DGKI: variants seen among roughly 807,000 people sequenced by gnomAD.
The protein encoded by DGKI is diacylglycerol kinase iota.
In DGKI, 55 loss-of-function variants were observed where a neutral mutation model predicts 147.5. That is an observed-to-expected ratio of 0.37 (90% CI 0.30 to 0.47). DGKI has a LOEUF of 0.47. Among genes scored for constraint, DGKI ranks in the 20% least tolerant of loss-of-function variants. DGKI has a pLI of 1.00. For synonymous variants in DGKI, 469 were observed against 477.1 expected (o/e 0.98, Z 0.22); for missense variants, 1,007 against 1,323.8 (o/e 0.76, Z 3.71).
At chr7:137,638,739 A>G (rs1422694502) in intron 6 of DGKI, among the ~76,000 whole-genome samples, 2 of 149,510 alleles carry the variant, frequency 1.3e-5, no homozygotes, top group Admixed American at 1.3e-4. Context: ...TTACATATGT[A>G]AATAACTATA....
At chr7:137,801,353 A>T (rs1193762378) in intron 1 of DGKI, among the ~76,000 whole-genome samples, 2 of 152,214 alleles carry the variant, frequency 1.3e-5, no homozygotes, top group Non-Finnish European at 2.9e-5. Flanking sequence ...TCAAGGTTTC[A>T]AAAGGAAGGA....
In DGKI at chr7:137,389,226, T is replaced by A. The variant is rs915372733; in HGVS notation, c.*1994A>T. 1.1e-4 allele frequency: 16 copies of A among 152,196 alleles called. No homozygotes were observed. The highest frequency in any genetic ancestry group is 3.9e-4 in the African/African-American group (16 of 41,458). The allele number at this position is 152,196 out of a possible 1,614,324, so 9.4% of individuals were successfully genotyped here. A position where few individuals can be genotyped will look rare whatever the true frequency, so the allele number is the denominator to read the frequency against. ...ATATTTTTCCAGCTTCTGGAAACAA[T>A]CTGCTGCAGTGTCTCCTGTAATATC... On this transcript the variant is annotated 3_prime_UTR_variant, in exon 33 of 33. Coordinates refer to ENST00000614521, the MANE Select transcript of DGKI (RefSeq NM_001321708.2).
chr7:137,394,605 C>G (rs892823786), intron 32 of DGKI, among the ~76,000 whole-genome samples: 1 of 152,178 alleles, frequency 6.6e-6, no homozygotes, highest in African/African-American at 2.4e-5. Context: ...CAGAGTTTCC[C>G]CTAAGGCCTC....
At chr7:137,752,741 C>G (rs2116764675) in intron 1 of DGKI, among the ~76,000 whole-genome samples, 1 of 152,194 alleles carries the variant, frequency 6.6e-6, no homozygotes, top group African/African-American at 2.4e-5. Flanking sequence ...AGTTGTAAGC[C>G]CTTAAAAGGA....
rs376966956 is a variant in DGKI, at chr7:137,652,345, GTCTC to G, written c.738+2383_738+2386del. Among the ~76,000 whole-genome samples, 7 of 152,248 alleles carry G rather than the reference GTCTC, an allele frequency of 4.6e-5. No individual in the cohort carries two copies. In the South Asian group the frequency reaches 1.5e-3, roughly 32 times the overall value. On this transcript the variant is annotated intron_variant, in intron 5 of 32. Transcript: ENST00000614521. Reference sequence around the variant, plus strand: ...TTAGAAAAATTGCACGATTAAAATTGTCTCTCTTTCTCTCTTCCCCTGCCTCCAC... The same window carrying G: ...TTAGAAAAATTGCACGATTAAAATTGTCTTTCTCTCTTCCCCTGCCTCCAC...
At chr7:137,649,134 T>C (rs909210255) in intron 5 of DGKI, among the ~76,000 whole-genome samples, 2 of 152,208 alleles carry the variant, frequency 1.3e-5, no homozygotes, top group African/African-American at 4.8e-5. Context: ...CCAATATATG[T>C]GTGTTGAATT....
intron 5 of DGKI, among the ~76,000 whole-genome samples, chr7:137,647,814 C>T (rs1821882480): frequency 6.6e-6 from 1 of 152,230 alleles, no homozygotes; most frequent in Admixed American, 6.5e-5. Flanking sequence ...GAACCAGAGC[C>T]AGCTGCCAAC....
At chr7:137,823,913 A>G (rs145272806) in intron 1 of DGKI, among the ~76,000 whole-genome samples, 1,650 of 152,366 alleles carry the variant, frequency 0.011, 17 homozygotes, top group Middle Eastern at 0.017. Flanking sequence ...ACAAGAAAGA[A>G]AAGGTTTTCA....
intron 3 of DGKI, among the ~76,000 whole-genome samples, chr7:137,677,936 C>T (rs1468722730): frequency 6.6e-6 from 1 of 152,176 alleles, no homozygotes; most frequent in Non-Finnish European, 1.5e-5. Flanking sequence ...ACCACACTTA[C>T]CTCACAACAT....
At chr7:137,444,803 T>C in intron 27 of DGKI, among the ~76,000 whole-genome samples, 1 of 152,214 alleles carries the variant, frequency 6.6e-6, no homozygotes, top group Non-Finnish European at 1.5e-5. Context: ...AGTTGACTAC[T>C]AGTTGAAATA....
intron 28 of DGKI, among the ~76,000 whole-genome samples, chr7:137,437,259 A>C (rs988036321): frequency 6.6e-6 from 1 of 152,226 alleles, no homozygotes; most frequent in Non-Finnish European, 1.5e-5. Flanking sequence ...TTCCCACAAA[A>C]AGACGCTTCA....
At chr7:137,611,078 T>C (rs1820346939) in intron 8 of DGKI, among the ~76,000 whole-genome samples, 1 of 152,214 alleles carries the variant, frequency 6.6e-6, no homozygotes, top group African/African-American at 2.4e-5. Flanking sequence ...AATTCTCAGT[T>C]AAATGGGTCT....
At chr7:137,532,375 A>G (rs1817371056) in intron 20 of DGKI, among the ~76,000 whole-genome samples, 1 of 152,234 alleles carries the variant, frequency 6.6e-6, no homozygotes, top group African/African-American at 2.4e-5. Flanking sequence ...AAATGGTTTT[A>G]GCCCTTCACA....
intron 1 of DGKI, among the ~76,000 whole-genome samples, chr7:137,741,189 T>C (rs1795162801): frequency 1.3e-5 from 2 of 152,208 alleles, no homozygotes; most frequent in African/African-American, 4.8e-5. Context: ...GCAGGTGCTA[T>C]GCACAGGCAA....
chr7:137,752,684 C>T (rs749664100), intron 1 of DGKI, among the ~76,000 whole-genome samples: 16 of 152,126 alleles, frequency 1.1e-4, no homozygotes, highest in Admixed American at 8.5e-4. Context: ...GTCACATAAC[C>T]CCTGCTTGCT....
intron 28 of DGKI, among the ~76,000 whole-genome samples, chr7:137,425,917 G>A (rs1360483091): frequency 4.6e-5 from 7 of 152,148 alleles, no homozygotes; most frequent in African/African-American, 9.7e-5. Context: ...CCAAATCTAC[G>A]TCTGATTGGT....
intron 1 of DGKI, among the ~76,000 whole-genome samples, chr7:137,695,653 C>T (rs1823756733): frequency 6.6e-6 from 1 of 152,188 alleles, no homozygotes; most frequent in Non-Finnish European, 1.5e-5. Context: ...AAGGTATATA[C>T]TTAACCATTT....
chr7:137,601,816 G>C (rs946214491), intron 10 of DGKI, among the ~76,000 whole-genome samples: 1 of 152,064 alleles, frequency 6.6e-6, no homozygotes, highest in African/African-American at 2.4e-5. Context: ...TGTTACATAG[G>C]CCAATGCAGG....
intron 1 of DGKI, among the ~76,000 whole-genome samples, chr7:137,770,723 C>T (rs187678805): frequency 0.015 from 1,153 of 75,982 alleles, 279 homozygotes; most frequent in Non-Finnish European, 0.018. Context: ...TTAGTAGAGA[C>T]GGGGTTTCAC....
Sources: gnomAD v4.1 joint callset for allele counts (sites outside exome capture counted in the v4.1 genomes callset) on GRCh38, gnomAD v4.1.1 for gene constraint, MANE v1.5 for transcripts, NCBI Gene and HGNC (gene_info 2026-07-23, HGNC 2026-07-21) for gene names.